POLA1: variants seen among roughly 807,000 people sequenced by gnomAD.
POLA1 encodes the protein DNA polymerase alpha catalytic subunit.
In POLA1, 15 loss-of-function variants were observed where a neutral mutation model predicts 124.0. That is an observed-to-expected ratio of 0.12 (90% CI 0.08 to 0.19). The LOEUF is 0.19. Among genes scored for constraint, POLA1 ranks in the 10% least tolerant of loss-of-function variants. The pLI is 1.00. For synonymous variants in POLA1, 408 were observed against 389.4 expected (o/e 1.05, Z -0.56); for missense variants, 886 against 1,103.4 (o/e 0.80, Z 2.79).
chrX:24,761,326 A>G (rs895905291), intron 26 of POLA1, among the ~76,000 whole-genome samples: 3 of 111,597 alleles, frequency 2.7e-5, no homozygotes, highest in Non-Finnish European at 5.6e-5. Context: ...ATGGGAGTGG[A>G]ACAAAGATAT....
chrX:24,917,595 A>G, intron 35 of POLA1, among the ~76,000 whole-genome samples: 1 of 111,609 alleles, frequency 9.0e-6, no homozygotes, highest in Non-Finnish European at 1.9e-5. Context: ...GCTACCTGAA[A>G]TTTCCTAAAG....
intron 30 of POLA1, among the ~76,000 whole-genome samples, chrX:24,816,995 A>G (rs968287113): frequency 1.8e-5 from 2 of 112,147 alleles, no homozygotes; most frequent in Non-Finnish European, 3.8e-5. Flanking sequence ...GTCAGCTTCA[A>G]TAATTATCAA....
At chrX:24,838,422 A>G (rs188669942) in intron 32 of POLA1, among the ~76,000 whole-genome samples, 50 of 112,010 alleles carry the variant, frequency 4.5e-4, no homozygotes, top group African/African-American at 1.6e-3. Context: ...TCCTCCAGAT[A>G]ACTAGTTTTG....
chrX:24,855,736 G>A (rs750832133), intron 34 of POLA1, among the ~76,000 whole-genome samples: 84 of 111,476 alleles, frequency 7.5e-4, no homozygotes, highest in African/African-American at 2.5e-3. Flanking sequence ...CAACAGTCAA[G>A]TAGTCATCCC....
intron 36 of POLA1, among the ~76,000 whole-genome samples, chrX:24,966,667 G>A (rs922005079): frequency 8.9e-6 from 1 of 111,753 alleles, no homozygotes; most frequent in African/African-American, 3.3e-5. Flanking sequence ...TTTTTCCTAA[G>A]CAAATACACT....
In POLA1 at chrX:24,987,775, G is replaced by A. The variant is rs56853601; in HGVS notation, c.4262-8030G>A. ...TTGTAACTTTATCCTTCCCCAGTGT[G>A]CAGAAGGGAAAGGGTGTTACGAGAA... On this transcript the variant is annotated intron_variant, in intron 36 of 36. Transcript: ENST00000379068. 9.6e-3 allele frequency among the ~76,000 whole-genome samples: 1,064 copies of A among 111,276 alleles called. 11 individuals are homozygous for A. The highest frequency in any genetic ancestry group is 0.034 in the African/African-American group (1,027 of 30,503).
At chrX:24,697,871 C>T (rs1928123899) in intron 1 of POLA1, among the ~76,000 whole-genome samples, 1 of 111,054 alleles carries the variant, frequency 9.0e-6, no homozygotes, top group Non-Finnish European at 1.9e-5. Context: ...TCGTAGTTGA[C>T]AGGCAGCACT....
chrX:24,898,926 A>G (rs1043066977), intron 35 of POLA1, among the ~76,000 whole-genome samples: 2 of 111,601 alleles, frequency 1.8e-5, no homozygotes, highest in Non-Finnish European at 3.8e-5. Flanking sequence ...TCTGGTACCC[A>G]TGGGATCTCA....
intron 25 of POLA1, among the ~76,000 whole-genome samples, 193 bp downstream of exon 25, chrX:24,748,653 C>A (rs2148405375): frequency 8.9e-6 from 1 of 112,427 alleles, no homozygotes; most frequent in South Asian, 3.7e-4. Flanking sequence ...GAGCAAGATA[C>A]TTCTGGCTCC....
At chrX:24,889,687 T>G (rs763741886) in intron 35 of POLA1, among the ~76,000 whole-genome samples, 6 of 111,997 alleles carry the variant, frequency 5.4e-5, no homozygotes, top group Non-Finnish European at 9.4e-5. Flanking sequence ...TAGAAAAATA[T>G]GTACACACAG....
chrX:24,834,874 A>G (rs2046320850), intron 32 of POLA1, among the ~76,000 whole-genome samples: 1 of 111,160 alleles, frequency 9.0e-6, no homozygotes, highest in Non-Finnish European at 1.9e-5. Flanking sequence ...AATTTTTTCT[A>G]GTATCACACA....
At chrX:24,716,181 T>A (rs1041714602) in intron 6 of POLA1, among the ~76,000 whole-genome samples, 181 bp from the exon 7 acceptor site, 1 of 104,106 alleles carries the variant, frequency 9.6e-6, no homozygotes, top group Non-Finnish European at 2.0e-5. Flanking sequence ...TTAGTTTTCT[T>A]GTGATTTCTA....
intron 4 of POLA1, among the ~76,000 whole-genome samples, chrX:24,714,171 T>A (rs756220695): frequency 8.9e-6 from 1 of 112,266 alleles, no homozygotes; most frequent in African/African-American, 3.2e-5. Context: ...TTTGTTTTGT[T>A]TTTTGAGATG....
Position 24,925,118 on chromosome X carries a change from G to A in POLA1, c.4165-5335G>A, listed in dbSNP as rs185470016. 8.9e-5 allele frequency among the ~76,000 whole-genome samples: 10 copies of A among 112,369 alleles called. No individual in the cohort carries two copies. The East Asian group carries it at 2.5e-3, about 28-fold the overall frequency. On this transcript the variant is annotated intron_variant, in intron 35 of 36. Transcript: ENST00000379068. ...TCTTCACCATTTGCAAAGTAATGCA[G>A]TTTAATACACCTTCATTATATTTTA...
intron 4 of POLA1, among the ~76,000 whole-genome samples, chrX:24,712,679 T>C (rs1445538560): frequency 1.8e-5 from 2 of 111,650 alleles, no homozygotes; most frequent in African/African-American, 6.5e-5. Flanking sequence ...CATAGAAAGA[T>C]TTTCACTGGA....
Position 24,724,423 on chromosome X carries a change from A to T in POLA1, c.1289A>T (p.Lys430Ile), listed in dbSNP as rs750549799. The change falls in exon 12 of 37, where the codon AAA (lysine) becomes ATA (isoleucine). Residue 430 changes from lysine to isoleucine, a missense_variant. Coordinates refer to ENST00000379068, the MANE Select transcript of POLA1 (RefSeq NM_001330360.2). ...GAATTTGATGAGAAAATAGCAACAA[A>T]ATATAAAATTATGAAGTTCAAGTCT... ...YEEFDEKIAT[K>I]YKIMKFKSKP... 4 of 1,030,736 alleles carry T rather than the reference A, an allele frequency of 3.9e-6. No individual in the cohort carries two copies. The Admixed American group carries it at 7.2e-5, about 18-fold the overall frequency. The allele number at this position is 1,030,736 out of a possible 1,213,427, so 84.9% of individuals were successfully genotyped here. A position where few individuals can be genotyped will look rare whatever the true frequency, so the allele number is the denominator to read the frequency against.
In POLA1 at chrX:24,790,940, T is replaced by A. The variant is rs866453488; in HGVS notation, c.2965-18958T>A. 3.1e-3 allele frequency among the ~76,000 whole-genome samples: 302 copies of A among 98,362 alleles called. 1 individual carries two copies. The highest frequency in any genetic ancestry group is 0.011 in the Admixed American group (97 of 8,823). 85.4% of individuals were successfully genotyped at this position (98,362 alleles called of 115,157 possible). On this transcript the variant is annotated intron_variant, in intron 26 of 36. Transcript: ENST00000379068. ...ATATATATATATATATATATATATA[T>A]AAAACATTTAACCTAAGAAGAACTT...
At position 24,841,752 on chromosome X, in the gene POLA1, C is replaced by T. The variant is rs771629455; in HGVS notation, c.3837C>T (p.Tyr1279=). The change falls in exon 33 of 37, where the codon TAC becomes TAT. Residue 1279 remains tyrosine, a synonymous_variant. Coordinates refer to ENST00000379068, the MANE Select transcript of POLA1 (RefSeq NM_001330360.2). ...GPAQLTDEEK[Y]RDCERFKCPC... ...CACAGCTCACTGATGAAGAGAAATA[C>T]AGGGACTGTGAAAGATTCAAATGTC... The T allele has an allele frequency of 5.9e-6, 7 of 1,190,198 alleles. No homozygotes were observed. The South Asian group carries it at 8.9e-5, about 15-fold the overall frequency.
intron 28 of POLA1, among the ~76,000 whole-genome samples, chrX:24,812,435 T>G (rs1270071530): frequency 5.4e-5 from 6 of 111,562 alleles, no homozygotes; most frequent in Admixed American, 1.9e-4. Flanking sequence ...GATCTATTAT[T>G]GTCTCTCTCT....
Sources: gnomAD v4.1 joint callset for allele counts (sites outside exome capture counted in the v4.1 genomes callset) on GRCh38, gnomAD v4.1.1 for gene constraint, MANE v1.5 for transcripts, NCBI Gene and HGNC (gene_info 2026-07-23, HGNC 2026-07-21) for gene names.